The following NAALADL2 variants were observed in gnomAD, a reference collection of about 807,000 sequenced individuals.
The protein encoded by NAALADL2 is inactive N-acetylated-alpha-linked acidic dipeptidase-like protein 2.
Under a neutral mutation model 87.2 loss-of-function variants are expected in NAALADL2, and 76 were observed. That is an observed-to-expected ratio of 0.87 (90% CI 0.72 to 1.05). The LOEUF (loss-of-function observed/expected upper bound fraction) is 1.05, where lower values mean the gene tolerates loss of function less well. NAALADL2 is among the 50% of genes least tolerant of loss of function. The pLI is 0.00. For missense variants in NAALADL2, 1,089 were observed against 945.8 expected (o/e 1.15, Z -1.99); for synonymous variants, 354 against 331.0 (o/e 1.07, Z -0.75).
chr3:175,516,838 G>A (rs969249066), intron 9 of NAALADL2, among the ~76,000 whole-genome samples: 2 of 152,040 alleles, frequency 1.3e-5, no homozygotes, highest in South Asian at 2.1e-4. Context: ...CTACTTGTTA[G>A]TGTCACTTCT....
chr3:174,836,171 C>G (rs918156108), intron 3 of NAALADL2, among the ~76,000 whole-genome samples: 3 of 152,174 alleles, frequency 2.0e-5, no homozygotes, highest in African/African-American at 7.2e-5. Context: ...AAGAAAAATT[C>G]TGAAACATGC....
chr3:175,559,561 A>G (rs1715924960), intron 9 of NAALADL2, among the ~76,000 whole-genome samples: 1 of 152,146 alleles, frequency 6.6e-6, no homozygotes, highest in South Asian at 2.1e-4. Flanking sequence ...ATTCAGTATG[A>G]TATTATCTAT....
chr3:174,787,144 A>C (rs899213564), intron 3 of NAALADL2, among the ~76,000 whole-genome samples: 3 of 152,058 alleles, frequency 2.0e-5, no homozygotes, highest in African/African-American at 7.2e-5. Context: ...TTATGAATAC[A>C]TGAAATGACA....
intron 4 of NAALADL2, among the ~76,000 whole-genome samples, chr3:175,285,440 A>C (rs1298785844): frequency 1.3e-5 from 2 of 152,172 alleles, no homozygotes; most frequent in African/African-American, 4.8e-5. Context: ...TCATTTTTAA[A>C]TAAGAAACCT....
At chr3:175,051,133 G>T (rs958166815) in intron 1 of NAALADL2, among the ~76,000 whole-genome samples, 1 of 152,156 alleles carries the variant, frequency 6.6e-6, no homozygotes, top group Non-Finnish European at 1.5e-5. Context: ...GTAGATTGAG[G>T]ATGGGAAATT....
Position 175,345,831 on chromosome 3 carries a change from T to TGATA in NAALADL2, c.1090+21509_1090+21512dup, listed in dbSNP as rs1294709702. Among the ~76,000 whole-genome samples the TGATA allele has an allele frequency of 1.1e-4, 17 of 152,238 alleles. 2 individuals are homozygous for TGATA. Among genetic ancestry groups the TGATA allele is most frequent in the Admixed American group, 4.6e-4 (7 of 15,286 alleles). On this transcript the variant is annotated intron_variant, in intron 5 of 13. Transcript: ENST00000454872. Reference sequence around the variant, plus strand: ...GAAATTGCTGTTGAGGCTTGCAAAATGATAGAAGACAGCAACATGATCTTC... The same window carrying TGATA: ...GAAATTGCTGTTGAGGCTTGCAAAATGATAGATAGAAGACAGCAACATGATCTTC...
At chr3:174,799,102 G>A (rs146508411) in intron 3 of NAALADL2, among the ~76,000 whole-genome samples, 1,861 of 151,944 alleles carry the variant, frequency 0.012, 14 homozygotes, top group Non-Finnish European at 0.018. Flanking sequence ...CCTGGGAGGC[G>A]GAGGTTGCAT....
chr3:175,393,410 T>C (rs1362739708), intron 5 of NAALADL2, among the ~76,000 whole-genome samples: 1 of 151,822 alleles, frequency 6.6e-6, no homozygotes, highest in Non-Finnish European at 1.5e-5. Context: ...TTACCCTAAT[T>C]ATTATGATTA....
intron 9 of NAALADL2, among the ~76,000 whole-genome samples, chr3:175,515,408 A>G (rs1355211253): frequency 2.0e-5 from 3 of 152,168 alleles, no homozygotes; most frequent in African/African-American, 7.2e-5. Context: ...GGCAATTTAG[A>G]GGCTGATGTT....
Position 175,698,332 on chromosome 3 carries a change from T to A in NAALADL2, c.1897-38974T>A, listed in dbSNP as rs1283514227. 3.5e-5 allele frequency among the ~76,000 whole-genome samples: 4 copies of A among 113,316 alleles called. 1 individual carries two copies. Among genetic ancestry groups the A allele is most frequent in the Non-Finnish European group, 6.7e-5 (4 of 59,514 alleles). The allele number at this position is 113,316 out of a possible 152,430, so 74.3% of individuals were successfully genotyped here. A position where few individuals can be genotyped will look rare whatever the true frequency, so the allele number is the denominator to read the frequency against. ...ATATATGTATGTGTATTTATGTATG[T>A]GTATATATGTATGTGTATTTATGTA... On this transcript the variant is annotated intron_variant, in intron 11 of 13. Coordinates refer to ENST00000454872, the MANE Select transcript of NAALADL2 (RefSeq NM_207015.3).
chr3:175,133,412 T>C (rs1728539070), intron 2 of NAALADL2, among the ~76,000 whole-genome samples: 1 of 152,190 alleles, frequency 6.6e-6, no homozygotes, highest in South Asian at 2.1e-4. Context: ...ATCACGCCAC[T>C]GCACTCCAGC....
chr3:175,241,459 G>A (rs557528845), intron 3 of NAALADL2, among the ~76,000 whole-genome samples: 3 of 152,164 alleles, frequency 2.0e-5, no homozygotes, highest in Admixed American at 2.0e-4. Context: ...GACCTCAGGG[G>A]ATCCACCCAC....
chr3:175,585,417 C>T (rs9810338), intron 10 of NAALADL2, among the ~76,000 whole-genome samples: 29,388 of 152,128 alleles, frequency 0.19, 3,397 homozygotes, highest in African/African-American at 0.32. Flanking sequence ...AATTCTTATT[C>T]TTCTAGTTTT....
intron 1 of NAALADL2, among the ~76,000 whole-genome samples, chr3:174,870,093 G>C (rs1447405732): frequency 6.6e-6 from 1 of 150,926 alleles, no homozygotes; most frequent in African/African-American, 2.4e-5. Flanking sequence ...GTGTGTATGA[G>C]TGTGTGTGTA....
In NAALADL2 at chr3:174,941,449, G is replaced by A. The variant is rs563720984; in HGVS notation, c.43+81999G>A. ...CTGATTTTAGATTATGTGCCGTATG[G>A]TGATGAGAAGAGTATATATTCTGTT... On this transcript the variant is annotated intron_variant, in intron 1 of 13. Coordinates refer to ENST00000454872, the MANE Select transcript of NAALADL2 (RefSeq NM_207015.3). Among the ~76,000 whole-genome samples, 15 of 152,204 alleles carry A rather than the reference G, an allele frequency of 9.9e-5. No homozygotes were observed. In the South Asian group the frequency reaches 2.9e-3, roughly 29 times the overall value.
intron 5 of NAALADL2, among the ~76,000 whole-genome samples, chr3:175,344,738 T>C (rs1230859003): frequency 6.6e-6 from 1 of 152,094 alleles, no homozygotes; most frequent in Non-Finnish European, 1.5e-5. Context: ...CAAACTAGAT[T>C]TGTAAAACGT....
intron 3 of NAALADL2, among the ~76,000 whole-genome samples, chr3:174,839,751 A>G (rs1579150488): frequency 1.3e-5 from 2 of 152,162 alleles, no homozygotes; most frequent in Non-Finnish European, 2.9e-5. Flanking sequence ...AACATGCTCT[A>G]CATACACTAA....
chr3:174,926,966 A>T (rs1324492042), intron 1 of NAALADL2, among the ~76,000 whole-genome samples: 1 of 151,808 alleles, frequency 6.6e-6, no homozygotes, highest in Non-Finnish European at 1.5e-5. Flanking sequence ...GACCCATCTC[A>T]CATGCAGAGA....
intron 11 of NAALADL2, among the ~76,000 whole-genome samples, chr3:175,645,820 A>G (rs935791276): frequency 6.6e-6 from 1 of 152,096 alleles, no homozygotes; most frequent in Non-Finnish European, 1.5e-5. Context: ...GGTTCTAAAA[A>G]CCAATAAATT....
Sources: allele counts gnomAD v4.1 joint callset (sites outside exome capture counted in the v4.1 genomes callset), GRCh38; gene constraint gnomAD v4.1.1; transcripts MANE v1.5; gene names NCBI Gene and HGNC (gene_info 2026-07-23, HGNC 2026-07-21).